POLR1C: variants seen among roughly 807,000 people sequenced by gnomAD.
POLR1C encodes the protein DNA-directed RNA polymerases I and III subunit RPAC1.
A neutral mutation model predicts 38.3 loss-of-function variants in POLR1C; 42 were observed. The observed-to-expected ratio is 1.10, with a 90% CI of 0.86 to 1.42. POLR1C has a LOEUF of 1.42. Ranked by LOEUF, POLR1C falls within the 40% of genes most tolerant of loss-of-function variation. POLR1C has a pLI of 0.00. For synonymous variants in POLR1C, 163 were observed against 163.9 expected, an observed-to-expected ratio of 0.99 and a Z score of 0.04; for missense variants, 507 against 450.5, an observed-to-expected ratio of 1.13 and a Z score of -1.14.
intron 9 of POLR1C, among the ~76,000 whole-genome samples, chr6:43,541,370 T>C (rs1176393122): frequency 6.6e-6 from 1 of 152,230 alleles, no homozygotes; most frequent in Non-Finnish European, 1.5e-5. Context: ...AAACATCTTA[T>C]GTACCCCATA....
In POLR1C at chr6:43,520,089, G is replaced by C. The variant is rs940947633; in HGVS notation, c.406G>C (p.Asp136His). ...NQGDEEGTEI[D>H]TLQFRLQVRC... ...AGGAGATGAAGAAGGCACAGAGATA[G>C]ATACTCTACAGTTTCGTCTCCAGGT... The change falls in exon 5 of 9, where the codon GAT becomes CAT. Residue 136 changes from aspartate to histidine, a missense_variant. Physicochemically the swap from Asp to His is moderately conservative, Grantham distance 81. Coordinates refer to ENST00000642195, the MANE Select transcript of POLR1C (RefSeq NM_203290.4). The C allele has an allele frequency of 1.4e-5, 22 of 1,614,064 alleles. No homozygotes were observed. Among genetic ancestry groups the C allele is most frequent in the Non-Finnish European group, 1.5e-5 (18 of 1,180,018 alleles).
intron 9 of POLR1C, among the ~76,000 whole-genome samples, chr6:43,535,295 G>T (rs921143430): frequency 6.7e-6 from 1 of 150,180 alleles, no homozygotes; most frequent in African/African-American, 2.5e-5. Flanking sequence ...CCAAAAAACA[G>T]AAGTGTTTCT....
chr6:43,535,184 C>T (rs1366218091), intron 9 of POLR1C, among the ~76,000 whole-genome samples: 5 of 146,132 alleles, frequency 3.4e-5, no homozygotes, highest in African/African-American at 7.7e-5. Context: ...CCCAGCTACT[C>T]GGGAGGCTGA....
intron 9 of POLR1C, among the ~76,000 whole-genome samples, chr6:43,541,135 G>T (rs1794670292): frequency 6.6e-6 from 1 of 151,980 alleles, no homozygotes; most frequent in South Asian, 2.1e-4. Context: ...GGTAAGGTAG[G>T]GATTGTTAAT....
intron 9 of POLR1C, chr6:43,550,848 T>C (rs781310226): frequency 6.6e-6 from 1 of 152,444 alleles, no homozygotes; most frequent in Non-Finnish European, 1.5e-5. Context: ...CTGGAAAGTG[T>C]TCCTTCCTCT....
At chr6:43,525,377 A>G (rs1029202639), downstream of POLR1C, 1 of 659,354 alleles carries the variant, frequency 1.5e-6, no homozygotes, top group Non-Finnish European at 2.5e-6. Context: ...GGCTCAAGCT[A>G]TTCTCCCATC....
chr6:43,539,830 T>C (rs1794591402), intron 9 of POLR1C: 1 of 526,318 alleles, frequency 1.9e-6, no homozygotes, highest in Non-Finnish European at 3.3e-6. Context: ...CCTGGAGTTT[T>C]TTGGTCTAAT....
chr6:43,551,290 C>A, intron 10 of POLR1C: 1 of 1,595,430 alleles, frequency 6.3e-7, no homozygotes. Flanking sequence ...AGGAGATGGG[C>A]TTTATACCTT....
intron 9 of POLR1C, among the ~76,000 whole-genome samples, chr6:43,536,475 T>C (rs534200591): frequency 2.9e-4 from 44 of 150,536 alleles, no homozygotes; most frequent in South Asian, 2.3e-3. Context: ...AAGTTTTACT[T>C]TGGCCAGATG....
At chr6:43,525,691 C>G (rs144041302), downstream of POLR1C, 1 of 810,096 alleles carries the variant, frequency 1.2e-6, no homozygotes, top group South Asian at 1.9e-5. Context: ...CCTTTTCCCT[C>G]GGTTTTTTCT....
chr6:43,525,972 A>G (rs1793560594), downstream of POLR1C: 1 of 1,596,538 alleles, frequency 6.3e-7, no homozygotes, highest in Admixed American at 1.7e-5. Flanking sequence ...AACAGAGAAG[A>G]ATATCTTGTT....
In POLR1C at chr6:43,546,652, G is replaced by A. The variant is rs1171371835; in HGVS notation, c.*5-4316G>A. On this transcript the variant is annotated intron_variant, in intron 9 of 10. Coordinates refer to the POLR1C transcript ENST00000607635. ...ACGGAAGATTGGATTTCCACTGGAT[G>A]TATAACCCACCACAAATCCCCCAGC... 2 of 1,613,876 alleles carry A rather than the reference G, an allele frequency of 1.2e-6. No individual in the cohort carries two copies. The highest frequency in any genetic ancestry group is 8.5e-7 in the Non-Finnish European group (1 of 1,179,848).
chr6:43,541,048 T>C (rs1794664771), intron 9 of POLR1C, among the ~76,000 whole-genome samples: 1 of 152,156 alleles, frequency 6.6e-6, no homozygotes, highest in Non-Finnish European at 1.5e-5. Flanking sequence ...TCTAAAAATT[T>C]AAACAATTCG....
At chr6:43,533,263 CG>C (rs1350232701), downstream of POLR1C, 13 of 145,292 alleles carry the variant, frequency 8.9e-5, no homozygotes, top group African/African-American at 2.4e-4. Context: ...CACACACACA[CG>C]AGGAGGCAGG....
chr6:43,558,306 T>A (rs892464019), intron 10 of POLR1C, among the ~76,000 whole-genome samples: 22 of 152,124 alleles, frequency 1.4e-4, no homozygotes, highest in African/African-American at 5.3e-4. Flanking sequence ...TGGGGGTTTG[T>A]GGTGTAAAAC....
chr6:43,538,225 A>G (rs1047105120), intron 9 of POLR1C, among the ~76,000 whole-genome samples: 2 of 128,456 alleles, frequency 1.6e-5, no homozygotes, highest in Admixed American at 1.9e-4. Context: ...TCTCAGCTCA[A>G]TGCAACCTCC....
rs1794970023 is a variant in POLR1C, at chr6:43,546,488, T to C, written c.*5-4480T>C. On this transcript the variant is annotated intron_variant, in intron 9 of 10. Transcript: ENST00000607635. ...ATCCCTCATTAATACCACTAAGATATGAAGACATGTAAACAGACTAAACTT... is the reference window on the plus strand; with the variant it reads ...ATCCCTCATTAATACCACTAAGATACGAAGACATGTAAACAGACTAAACTT... The C allele has an allele frequency of 1.1e-5, 15 of 1,356,416 alleles. No homozygotes were observed. In the South Asian group the frequency reaches 2.0e-4, roughly 18 times the overall value. The allele number at this position is 1,356,416 out of a possible 1,614,324, so 84.0% of individuals were successfully genotyped here.
downstream of POLR1C, chr6:43,530,731 G>A (rs770912025): frequency 6.2e-7 from 1 of 1,613,838 alleles, no homozygotes; most frequent in Non-Finnish European, 8.5e-7. Context: ...TGTTCAAGTT[G>A]ACAAAGGCTG....
downstream of POLR1C, chr6:43,533,897 C>T (rs747937723): frequency 3.0e-5 from 47 of 1,585,264 alleles, no homozygotes; most frequent in Non-Finnish European, 3.6e-5. Context: ...AAAAAGGTTA[C>T]ATTTCTTACC....
Sources: gnomAD v4.1 joint callset for allele counts (sites outside exome capture counted in the v4.1 genomes callset) on GRCh38, gnomAD v4.1.1 for gene constraint, MANE v1.5 for transcripts, NCBI Gene and HGNC (gene_info 2026-07-23, HGNC 2026-07-21) for gene names.